Variants in EFCC1 observed in about 807,000 individuals in gnomAD.
EFCC1 encodes EF-hand and coiled-coil domain containing 1, also known as EF-hand and coiled-coil domain-containing protein 1.
Under a neutral mutation model 52.1 loss-of-function variants are expected in EFCC1, and 50 were observed. The observed-to-expected ratio is 0.96, with a 90% CI of 0.76 to 1.21. The LOEUF is 1.21. Ranked by LOEUF, EFCC1 falls within the 50% of genes most tolerant of loss-of-function variation. The pLI is 0.00. For synonymous variants in EFCC1, 399 were observed against 396.5 expected, an observed-to-expected ratio of 1.01 and a Z score of -0.08; for missense variants, 837 against 867.3, an observed-to-expected ratio of 0.97 and a Z score of 0.44.
chr3:129,004,083 C>T lies in EFCC1; in HGVS notation c.980+6C>T. On this transcript the variant is annotated splice_donor_region_variant and intron_variant, in intron 2 of 7. Transcript: ENST00000683648. ...GCGGAGCTGCAACGCTACAGGTGAGCGGGGGCGCGTGCCCTGGGCCCAAGT... is the reference window on the plus strand; with the variant it reads ...GCGGAGCTGCAACGCTACAGGTGAGTGGGGGCGCGTGCCCTGGGCCCAAGT... The T allele has an allele frequency of 2.7e-6, 4 of 1,488,624 alleles. No individual in the cohort carries two copies. The highest frequency in any genetic ancestry group is 3.6e-6 in the Non-Finnish European group (4 of 1,125,172). The allele number at this position is 1,488,624 out of a possible 1,614,324, so 92.2% of individuals were successfully genotyped here.
Position 129,017,587 on chromosome 3 carries a change from C to T in EFCC1, c.981-13116C>T, listed in dbSNP as rs74704583. On this transcript the variant is annotated intron_variant, in intron 2 of 7. Transcript: ENST00000683648. Reference sequence around the variant, plus strand: ...TTGCCGGCTGTCAGCTGGGGTTGCTCTCTGCATTCCTTCACCCACATTGCT... The same window carrying T: ...TTGCCGGCTGTCAGCTGGGGTTGCTTTCTGCATTCCTTCACCCACATTGCT... Among the ~76,000 whole-genome samples, 91 of 152,330 alleles carry T rather than the reference C, an allele frequency of 6.0e-4. 2 individuals carry two copies. The East Asian group carries it at 0.015, about 25-fold the overall frequency.
chr3:129,003,259 T>A (rs1405823048), intron 1 of EFCC1: 38 of 985,314 alleles, frequency 3.9e-5, no homozygotes, highest in Non-Finnish European at 4.6e-5. Flanking sequence ...GGGATGCGCC[T>A]GAACGGTCTT....
chr3:129,017,447 TC>T (rs1945636226), intron 2 of EFCC1, among the ~76,000 whole-genome samples: 1 of 152,168 alleles, frequency 6.6e-6, no homozygotes, highest in Non-Finnish European at 1.5e-5. Context: ...CTGCACAAGC[TC>T]GCACAAGGCC....
At chr3:129,025,640 T>A (rs1373194286) in intron 2 of EFCC1, among the ~76,000 whole-genome samples, 2 of 152,134 alleles carry the variant, frequency 1.3e-5, no homozygotes, top group African/African-American at 4.8e-5. Flanking sequence ...GTGGAGCTAT[T>A]ATAGCATGTG....
At chr3:129,025,264 G>A (rs1576766730) in intron 2 of EFCC1, among the ~76,000 whole-genome samples, 1 of 152,272 alleles carries the variant, frequency 6.6e-6, no homozygotes, top group Non-Finnish European at 1.5e-5. Context: ...TCCTCAGAGG[G>A]CATCCCAGGG....
chr3:129,001,992 GACT>G lies in EFCC1; in HGVS notation c.365_367del (p.Asp122_Ser123delinsAla). Reference sequence around the variant, plus strand: ...GGCCGCTGAGTTGGCCACGGACGGGGACTCAGATACCGATGAAGAGGCGCGCCT... The same window carrying G: ...GGCCGCTGAGTTGGCCACGGACGGGGCAGATACCGATGAAGAGGCGCGCCT... On this transcript the variant is annotated inframe_deletion, in exon 1 of 8. Transcript: ENST00000683648. The G allele has an allele frequency of 1.3e-6, 2 of 1,545,856 alleles. No homozygotes were observed. The highest frequency in any genetic ancestry group is 1.7e-6 in the Non-Finnish European group (2 of 1,145,194).
Position 129,039,849 on chromosome 3 carries a change from G to C in EFCC1, c.*1G>C. ...CAACCCCCTCCTCGTCTCCTGCTGA[G>C]GTTACTGGCCCACCCTGTGGGCACC... is the stretch of plus-strand genomic sequence containing the variant. On this transcript the variant is annotated 3_prime_UTR_variant, in exon 8 of 8. Transcript: ENST00000683648. 1 of 1,600,144 alleles carries C rather than the reference G, an allele frequency of 6.2e-7. No individual in the cohort carries two copies. Among genetic ancestry groups the C allele is most frequent in the Non-Finnish European group, 8.5e-7 (1 of 1,170,500 alleles).
At chr3:129,018,829 C>T (rs772758947) in intron 2 of EFCC1, among the ~76,000 whole-genome samples, 1 of 152,180 alleles carries the variant, frequency 6.6e-6, no homozygotes, top group South Asian at 2.1e-4. Flanking sequence ...CCATTGGCGG[C>T]GTTGTGGCAC....
At chr3:129,007,960 G>A (rs181676944) in intron 2 of EFCC1, among the ~76,000 whole-genome samples, 2 of 152,322 alleles carry the variant, frequency 1.3e-5, no homozygotes, top group East Asian at 3.9e-4. Flanking sequence ...TACACCTGCT[G>A]TCTTTGTCAT....
At chr3:129,036,849 G>A in intron 5 of EFCC1, 128 bp from the exon 6 acceptor site, 1 of 1,402,010 alleles carries the variant, frequency 7.1e-7, no homozygotes, top group Non-Finnish European at 9.8e-7. Flanking sequence ...CCGCTGTGTG[G>A]CTTTAGGCCA....
At chr3:129,015,098 G>A (rs1235443660) in intron 2 of EFCC1, among the ~76,000 whole-genome samples, 3 of 152,006 alleles carry the variant, frequency 2.0e-5, no homozygotes, top group Admixed American at 2.0e-4. Flanking sequence ...TCCCACCTCG[G>A]GCTCGCCCAC....
chr3:129,026,885 G>A (rs935334207), intron 2 of EFCC1, among the ~76,000 whole-genome samples: 6 of 152,160 alleles, frequency 3.9e-5, no homozygotes, highest in African/African-American at 1.4e-4. Flanking sequence ...TGCACTGGGG[G>A]ACCCTGAATG....
intron 7 of EFCC1, 106 bp downstream of exon 7, chr3:129,039,006 C>A: frequency 1.0e-6 from 1 of 999,382 alleles, no homozygotes; most frequent in Non-Finnish European, 1.6e-6. Context: ...GCAAAACAAT[C>A]ATGTTATTCC....
rs148831623 is a variant in EFCC1, at chr3:129,011,150, T to G, written c.980+7073T>G. On this transcript the variant is annotated intron_variant, in intron 2 of 7. Transcript: ENST00000683648. ...TGTGAGCCTCAGCTCATCTGTAAAA[T>G]GAGATGAGAATAATAATGATAATAA... is the stretch of plus-strand genomic sequence containing the variant. 4.9e-3 allele frequency among the ~76,000 whole-genome samples: 751 copies of G among 152,216 alleles called. 7 individuals carry two copies. Among genetic ancestry groups the G allele is most frequent in the African/African-American group, 0.017 (715 of 41,520 alleles).
In EFCC1 at chr3:129,014,841, G is replaced by A. The variant is rs1559962685; in HGVS notation, c.980+10764G>A. ...GCAGGTTGGAGCCAGCCTGGATGCC[G>A]AGGGGCCAGTGAGGAGGGGCCAGTG... On this transcript the variant is annotated intron_variant, in intron 2 of 7. Transcript: ENST00000683648. The surrounding 1 kb of genome is among the most constrained non-coding windows in gnomAD (Gnocchi z 4.3). Among the ~76,000 whole-genome samples the A allele has an allele frequency of 6.6e-6, 1 of 152,108 alleles. No individual in the cohort carries two copies. The highest frequency in any genetic ancestry group is 2.4e-5 in the African/African-American group (1 of 41,378).
Position 129,030,876 on chromosome 3 carries a change from G to A in EFCC1, c.1138+16G>A, listed in dbSNP as rs1488707201. The A allele has an allele frequency of 2.7e-5, 42 of 1,542,538 alleles. No homozygotes were observed. Among genetic ancestry groups the A allele is most frequent in the Non-Finnish European group, 3.2e-5 (36 of 1,141,546 alleles). On this transcript the variant is annotated intron_variant, in intron 3 of 7. Transcript: ENST00000683648. The stretch of plus-strand genomic sequence containing the variant: ...CTGGATGAAGGTTTGTCCCCTGTGC[G>A]CCCAGTCTTCCTGCCAGGCTCACAG...
In EFCC1 at chr3:129,002,577, A is replaced by G. The variant is rs2107847985; in HGVS notation, c.696+253A>G. The G allele has an allele frequency of 8.1e-6, 5 of 615,290 alleles. 1 individual carries two copies. The East Asian group carries it at 1.8e-4, about 22-fold the overall frequency. 38.1% of individuals were successfully genotyped at this position (615,290 alleles called of 1,614,324 possible). A position where few individuals can be genotyped will look rare whatever the true frequency, so the allele number is the denominator to read the frequency against. ...AATCACACTCAAACAACCATACCCC[A>G]CTTTTCTGCTCCACCGCCACATCAT... On this transcript the variant is annotated intron_variant, in intron 1 of 7. Coordinates refer to ENST00000683648, the MANE Select transcript of EFCC1 (RefSeq NM_001377500.1).
intron 5 of EFCC1, among the ~76,000 whole-genome samples, chr3:129,036,501 C>T (rs1343734222): frequency 6.6e-6 from 1 of 152,242 alleles, no homozygotes. Context: ...CCCAAGACTC[C>T]GACTGGGCCA....
Position 129,027,094 on chromosome 3 carries a change from C to G in EFCC1, c.981-3609C>G, listed in dbSNP as rs1410826858. On this transcript the variant is annotated intron_variant, in intron 2 of 7. Transcript: ENST00000683648. ...TCAGAGGCACAACTTCCCGCTTCGT[C>G]GGTCATCATGCTCCGCGCCCTCAGG... Among the ~76,000 whole-genome samples the G allele has an allele frequency of 5.9e-5, 9 of 152,334 alleles. No individual in the cohort carries two copies. The South Asian group carries it at 1.4e-3, about 25-fold the overall frequency.
Sources: gnomAD v4.1 joint callset for allele counts (sites outside exome capture counted in the v4.1 genomes callset) on GRCh38, gnomAD v4.1.1 for gene constraint, Gnocchi (gnomAD v3.1) non-coding constraint, MANE v1.5 for transcripts, NCBI Gene and HGNC (gene_info 2026-07-23, HGNC 2026-07-21) for gene names.